GPR157: variants seen among roughly 807,000 people sequenced by gnomAD.
GPR157 encodes the protein G protein-coupled receptor 157, also known as G-protein coupled receptor 157.
A neutral mutation model predicts 23.5 loss-of-function variants in GPR157; 16 were observed. That is an observed-to-expected ratio of 0.68 (90% CI 0.46 to 1.04). The LOEUF (loss-of-function observed/expected upper bound fraction) is 1.04, where lower values mean the gene tolerates loss of function less well. Among genes scored for constraint, GPR157 ranks in the 50% least tolerant of loss-of-function variants. The pLI, the probability that GPR157 is intolerant of heterozygous loss-of-function variation, is 0.00. For missense variants in GPR157, 440 were observed against 460.7 expected, an observed-to-expected ratio of 0.96 and a Z score of 0.41; for synonymous variants, 200 against 221.5, an observed-to-expected ratio of 0.90 and a Z score of 0.86.
Position 9,104,153 on chromosome 1 carries a change from C to T in GPR157, c.*266G>A, listed in dbSNP as rs369770238. The T allele has an allele frequency of 1.8e-4, 84 of 459,300 alleles. 2 individuals carry two copies. Among genetic ancestry groups the T allele is most frequent in the African/African-American group, 1.4e-3 (71 of 51,428 alleles). The allele number at this position is 459,300 out of a possible 1,614,324, so 28.5% of individuals were successfully genotyped here. On this transcript the variant is annotated 3_prime_UTR_variant, in exon 4 of 4. Transcript: ENST00000377411. ...CACTGTGGCCACAGCTGTGGGCCAC[C>T]GGCTTCCCGAATCTCACTGCTACCC...
intron 3 of GPR157, 53 bp from the exon 4 acceptor site, chr1:9,104,687 A>G (rs1304068102): frequency 7.4e-7 from 1 of 1,349,320 alleles, no homozygotes. Flanking sequence ...TCTCAGAAAC[A>G]CACGCGCTGT....
Position 9,102,273 on chromosome 1 carries a change from T to C in GPR157, c.*2146A>G, listed in dbSNP as rs1569941409. ...GAAAATACAAAAAATTAGCCGAGCA[T>C]GGTGGCGCATGCCTGTAATCCCAGC... On this transcript the variant is annotated 3_prime_UTR_variant, in exon 4 of 4. Transcript: ENST00000377411. The C allele has an allele frequency of 6.6e-6, 1 of 151,986 alleles. No homozygotes were observed. Among genetic ancestry groups the C allele is most frequent in the African/African-American group, 2.4e-5 (1 of 41,362 alleles). 9.4% of individuals were successfully genotyped at this position (151,986 alleles called of 1,614,324 possible). A position where few individuals can be genotyped will look rare whatever the true frequency, so the allele number is the denominator to read the frequency against.
rs573220928 is a variant in GPR157, at chr1:9,104,148, G to A, written c.*271C>T. The A allele has an allele frequency of 8.9e-6, 4 of 451,412 alleles. No individual in the cohort carries two copies. In the East Asian group the frequency reaches 1.5e-4, roughly 17 times the overall value. 28.0% of individuals were successfully genotyped at this position (451,412 alleles called of 1,614,324 possible). A position where few individuals can be genotyped will look rare whatever the true frequency, so the allele number is the denominator to read the frequency against. On this transcript the variant is annotated 3_prime_UTR_variant, in exon 4 of 4. Transcript: ENST00000377411. ...GGGGGCACTGTGGCCACAGCTGTGG[G>A]CCACCGGCTTCCCGAATCTCACTGC...
intron 1 of GPR157, among the ~76,000 whole-genome samples, chr1:9,123,541 TATCTAATTTAA>T (rs377717609): frequency 0.22 from 9,727 of 43,914 alleles, 696 homozygotes; most frequent in Non-Finnish European, 0.28. Context: ...TATTTAAATA[TATCTAATTTAA>T]ATATATATTT....
In GPR157 at chr1:9,111,456, G is replaced by A. The variant is rs371897889; in HGVS notation, c.417C>T (p.Ala139=). Residue 139 remains alanine, a synonymous_variant, in exon 2 of 4, where the codon GCC becomes GCT. Coordinates refer to ENST00000377411, the MANE Select transcript of GPR157 (RefSeq NM_024980.5). ...WGVPLVITVA[A]VALKKIGYDA... Reference sequence around the variant, plus strand: ...CATAGCCAATCTTCTTCAGGGCGACGGCTGCCACAGTGATGACCAACGGGA... The same window carrying A: ...CATAGCCAATCTTCTTCAGGGCGACAGCTGCCACAGTGATGACCAACGGGA... 2.5e-6 allele frequency: 4 copies of A among 1,613,866 alleles called. No individual in the cohort carries two copies. The highest frequency in any genetic ancestry group is 1.1e-5 in the South Asian group (1 of 91,090).
At chr1:9,107,902 G>A (rs1638380846) in intron 2 of GPR157, among the ~76,000 whole-genome samples, 1 of 152,088 alleles carries the variant, frequency 6.6e-6, no homozygotes, top group African/African-American at 2.4e-5. Flanking sequence ...ACTCCAACCT[G>A]GGCAACAGAG....
At chr1:9,126,244 C>A (rs912398858) in intron 1 of GPR157, among the ~76,000 whole-genome samples, 1 of 152,216 alleles carries the variant, frequency 6.6e-6, no homozygotes, top group Non-Finnish European at 1.5e-5. Context: ...CAGGCATGAG[C>A]CACCGTGCCC....
Position 9,128,524 on chromosome 1 carries a change from G to A in GPR157, c.383+121C>T, listed in dbSNP as rs2124535305. Reference sequence around the variant, plus strand: ...GCCCAGGACAGCCTCGGGGGCGCCAGCAGGCACTGCTTGCTGTGGGTAGGG... The same window carrying A: ...GCCCAGGACAGCCTCGGGGGCGCCAACAGGCACTGCTTGCTGTGGGTAGGG... On this transcript the variant is annotated intron_variant, in intron 1 of 3. Coordinates refer to ENST00000377411, the MANE Select transcript of GPR157 (RefSeq NM_024980.5). The surrounding 1 kb of genome is among the most constrained non-coding windows in gnomAD (Gnocchi z 6.3). 1.1e-6 allele frequency: 1 copy of A among 946,940 alleles called. No homozygotes were observed. The highest frequency in any genetic ancestry group is 1.6e-6 in the Non-Finnish European group (1 of 615,394). 58.7% of individuals were successfully genotyped at this position (946,940 alleles called of 1,614,324 possible). A position where few individuals can be genotyped will look rare whatever the true frequency, so the allele number is the denominator to read the frequency against.
intron 1 of GPR157, among the ~76,000 whole-genome samples, chr1:9,117,947 T>A: frequency 1.3e-5 from 2 of 152,346 alleles, no homozygotes; most frequent in African/African-American, 4.8e-5. Context: ...ACCAAGGGAT[T>A]TGGTTGATTA....
In GPR157 at chr1:9,128,372, G is replaced by T; in HGVS notation, c.383+273C>A. On this transcript the variant is annotated intron_variant, in intron 1 of 3. Coordinates refer to ENST00000377411, the MANE Select transcript of GPR157 (RefSeq NM_024980.5). This position sits in a 1 kb window ranked among gnomAD's most constrained non-coding sequence, Gnocchi z 6.3. ...AGTGTCCTCCCCAGCCCCGTCCAAGGAAACAGGGCCCGGCTCTGGGGGCGA... is the reference window on the plus strand; with the variant it reads ...AGTGTCCTCCCCAGCCCCGTCCAAGTAAACAGGGCCCGGCTCTGGGGGCGA... 1.5e-6 allele frequency: 1 copy of T among 679,732 alleles called. No individual in the cohort carries two copies. The highest frequency in any genetic ancestry group is 2.7e-6 in the Non-Finnish European group (1 of 370,400). The allele number at this position is 679,732 out of a possible 1,614,324, so 42.1% of individuals were successfully genotyped here. A position where few individuals can be genotyped will look rare whatever the true frequency, so the allele number is the denominator to read the frequency against.
At chr1:9,122,097 G>A (rs1259660766) in intron 1 of GPR157, among the ~76,000 whole-genome samples, 3 of 152,108 alleles carry the variant, frequency 2.0e-5, no homozygotes, top group Admixed American at 6.5e-5. Flanking sequence ...ACCACCGTGA[G>A]GGGAGGAAGG....
rs754624207 is a variant in GPR157 at position 9,111,425 on chromosome 1, A to AGGC, written c.445_447dup (p.Ala149dup). 5.0e-6 allele frequency: 8 copies of AGGC among 1,614,054 alleles called. No individual in the cohort carries two copies. In the Admixed American group the frequency reaches 5.0e-5, roughly 10 times the overall value. On this transcript the variant is annotated inframe_insertion, in exon 2 of 4. Coordinates refer to ENST00000377411, the MANE Select transcript of GPR157 (RefSeq NM_024980.5). ...CAGCACCAGCCCACAGACACGTCCGAGGCGTCATAGCCAATCTTCTTCAGG... is the reference window on the plus strand; with the variant it reads ...CAGCACCAGCCCACAGACACGTCCGAGGCGGCGTCATAGCCAATCTTCTTCAGG...
intron 2 of GPR157, among the ~76,000 whole-genome samples, chr1:9,106,137 G>A (rs767899684): frequency 6.6e-6 from 1 of 152,126 alleles, no homozygotes; most frequent in Non-Finnish European, 1.5e-5. Context: ...TTGAACTCAA[G>A]CAATCCTCCT....
rs948037939 is a variant in GPR157, at chr1:9,102,489, C to T, written c.*1930G>A. ...AAACCAAAAATGAGCATTTTGGACT[C>T]AGTCTGCTAAATGATTATTCCTTTC... On this transcript the variant is annotated 3_prime_UTR_variant, in exon 4 of 4. Transcript: ENST00000377411. 6.6e-6 allele frequency: 1 copy of T among 151,502 alleles called. No individual in the cohort carries two copies. The highest frequency in any genetic ancestry group is 1.5e-5 in the Non-Finnish European group (1 of 67,964). 9.4% of individuals were successfully genotyped at this position (151,502 alleles called of 1,614,324 possible). A position where few individuals can be genotyped will look rare whatever the true frequency, so the allele number is the denominator to read the frequency against.
chr1:9,111,935 G>C (rs772077046), intron 1 of GPR157, among the ~76,000 whole-genome samples: 1 of 152,080 alleles, frequency 6.6e-6, no homozygotes, highest in East Asian at 1.9e-4. Context: ...GTGCCATTGC[G>C]TTCCCGCCTG....
At position 9,113,999 on chromosome 1, in the gene GPR157, A is replaced by C. The variant is rs1474102453; in HGVS notation, c.384-2510T>G. Among the ~76,000 whole-genome samples the C allele has an allele frequency of 5.1e-5, 7 of 136,960 alleles. No homozygotes were observed. The South Asian group carries it at 1.4e-3, about 27-fold the overall frequency. 89.9% of individuals were successfully genotyped at this position (136,960 alleles called of 152,430 possible). On this transcript the variant is annotated intron_variant, in intron 1 of 3. Coordinates refer to ENST00000377411, the MANE Select transcript of GPR157 (RefSeq NM_024980.5). ...CACACACACACACACACACACACAC[A>C]CCACCCATAAAAGAAAGGGTTGTTT...
At chr1:9,108,942 C>G (rs983579005) in intron 2 of GPR157, among the ~76,000 whole-genome samples, 1 of 152,138 alleles carries the variant, frequency 6.6e-6, no homozygotes, top group African/African-American at 2.4e-5. Flanking sequence ...CCCACCACCA[C>G]GCTCAGCTAA....
rs35650719 is a variant in GPR157 at position 9,113,956 on chromosome 1, AACACAC to A, written c.384-2473_384-2468del. ...AGACCCTGTCTCAAAAAAAAAACCA[AACACAC>A]ACACACACACACACACACACACACA... is the stretch of plus-strand genomic sequence containing the variant. On this transcript the variant is annotated intron_variant, in intron 1 of 3. Coordinates refer to ENST00000377411, the MANE Select transcript of GPR157 (RefSeq NM_024980.5). Among the ~76,000 whole-genome samples the A allele has an allele frequency of 8.6e-3, 1,050 of 121,860 alleles. 16 individuals carry two copies. The highest frequency in any genetic ancestry group is 0.023 in the African/African-American group (718 of 31,274). The allele number at this position is 121,860 out of a possible 152,430, so 79.9% of individuals were successfully genotyped here.
chr1:9,124,322 A>C (rs1300921406), intron 1 of GPR157, among the ~76,000 whole-genome samples: 1 of 152,192 alleles, frequency 6.6e-6, no homozygotes, highest in East Asian at 1.9e-4. Flanking sequence ...TGATTATTGT[A>C]AATACAAAAT....
Sources: gnomAD v4.1 joint callset for allele counts (sites outside exome capture counted in the v4.1 genomes callset) on GRCh38, gnomAD v4.1.1 for gene constraint, Gnocchi (gnomAD v3.1) non-coding constraint, MANE v1.5 for transcripts, NCBI Gene and HGNC (gene_info 2026-07-23, HGNC 2026-07-21) for gene names.